GNA14: variants seen among roughly 807,000 people sequenced by gnomAD.
GNA14 encodes the protein guanine nucleotide-binding protein subunit alpha-14.
GNA14 carries 50 observed loss-of-function variants against 42.0 expected under a neutral mutation model. The observed-to-expected ratio is 1.19, with a 90% confidence interval of 0.95 to 1.51. GNA14 has a LOEUF of 1.51. GNA14 is among the 40% of genes most tolerant of loss of function. GNA14 has a pLI of 0.00. For synonymous variants in GNA14, 173 were observed against 163.1 expected (o/e 1.06, Z -0.46); for missense variants, 473 against 446.2 (o/e 1.06, Z -0.54).
chr9:77,594,377 C>T (rs553402191), intron 1 of GNA14, among the ~76,000 whole-genome samples: 2 of 152,218 alleles, frequency 1.3e-5, no homozygotes, highest in Non-Finnish European at 2.9e-5. Flanking sequence ...CACTCCACAT[C>T]GGCTCCGAGT....
intron 1 of GNA14, among the ~76,000 whole-genome samples, chr9:77,544,159 G>A (rs1837692725): frequency 6.6e-6 from 1 of 152,112 alleles, no homozygotes; most frequent in South Asian, 2.1e-4. Flanking sequence ...TTACACAATT[G>A]TGCTCATTTT....
intron 2 of GNA14, among the ~76,000 whole-genome samples, chr9:77,474,298 C>A (rs1836380174): frequency 6.6e-6 from 1 of 152,128 alleles, no homozygotes; most frequent in Non-Finnish European, 1.5e-5. Flanking sequence ...ACGCTTACAA[C>A]TCAGTAAGAA....
intron 1 of GNA14, among the ~76,000 whole-genome samples, chr9:77,532,330 C>A (rs17785979): frequency 0.051 from 7,691 of 152,246 alleles, 225 homozygotes; most frequent in Admixed American, 0.069. Context: ...CATCAGCTTA[C>A]GTGCAGTCTT....
intron 2 of GNA14, among the ~76,000 whole-genome samples, chr9:77,497,134 T>A (rs1836885557): frequency 6.6e-6 from 1 of 152,192 alleles, no homozygotes; most frequent in Admixed American, 6.5e-5. Context: ...TTTCCATACC[T>A]TAGAAGAATT....
At chr9:77,524,034 T>G (rs1267630615) in intron 2 of GNA14, among the ~76,000 whole-genome samples, 1 of 152,176 alleles carries the variant, frequency 6.6e-6, no homozygotes, top group Non-Finnish European at 1.5e-5. Flanking sequence ...AACTCAGACT[T>G]AGGAACCCTG....
intron 1 of GNA14, among the ~76,000 whole-genome samples, chr9:77,556,464 T>G (rs1339470337): frequency 6.6e-6 from 1 of 152,124 alleles, no homozygotes; most frequent in Non-Finnish European, 1.5e-5. Flanking sequence ...AGTTTCAACT[T>G]ACTGGATCAA....
In GNA14 at chr9:77,641,105, G is replaced by A. The variant is rs1824257929; in HGVS notation, c.124+6565C>T. The stretch of plus-strand genomic sequence containing the variant: ...GGGAGGGGAGGGGAGGGGGGGGAAG[G>A]AAGGAAGGAAGGAAGGAAGGAAGGA... On this transcript the variant is annotated intron_variant, in intron 1 of 6. Coordinates refer to ENST00000341700, the MANE Select transcript of GNA14 (RefSeq NM_004297.4). Among the ~76,000 whole-genome samples the A allele has an allele frequency of 7.2e-4, 3 of 4,144 alleles. 1 individual carries two copies. Among genetic ancestry groups the A allele is most frequent in the African/African-American group, 1.9e-3 (3 of 1,620 alleles). The allele number at this position is 4,144 out of a possible 152,430, so 2.7% of individuals were successfully genotyped here. A position where few individuals can be genotyped will look rare whatever the true frequency, so the allele number is the denominator to read the frequency against.
chr9:77,512,910 G>A (rs1837193204), intron 2 of GNA14, among the ~76,000 whole-genome samples: 1 of 152,064 alleles, frequency 6.6e-6, no homozygotes, highest in Admixed American at 6.6e-5. Flanking sequence ...ATAATCTCTG[G>A]CTTGTTTACT....
intron 1 of GNA14, among the ~76,000 whole-genome samples, chr9:77,530,904 G>A (rs1265664871): frequency 1.3e-5 from 2 of 152,196 alleles, no homozygotes; most frequent in African/African-American, 2.4e-5. Context: ...ATTAGTCAGG[G>A]GACAAGCCAA....
At chr9:77,480,907 T>G (rs1277583873) in intron 2 of GNA14, among the ~76,000 whole-genome samples, 2 of 152,194 alleles carry the variant, frequency 1.3e-5, no homozygotes, top group African/African-American at 2.4e-5. Context: ...CCTTTATCAT[T>G]TTTTTATTGC....
chr9:77,496,065 C>T (rs575820311), intron 2 of GNA14, among the ~76,000 whole-genome samples: 1 of 152,048 alleles, frequency 6.6e-6, no homozygotes, highest in Non-Finnish European at 1.5e-5. Flanking sequence ...GGAGATGCAC[C>T]GGGGGAGGTA....
intron 2 of GNA14, among the ~76,000 whole-genome samples, chr9:77,437,579 A>G (rs1835659077): frequency 6.6e-6 from 1 of 151,082 alleles, no homozygotes; most frequent in Admixed American, 6.6e-5. Flanking sequence ...AGAGAGAGAG[A>G]GGAAGGGAAG....
At chr9:77,438,653 T>G (rs1689163129) in intron 2 of GNA14, among the ~76,000 whole-genome samples, 1 of 152,200 alleles carries the variant, frequency 6.6e-6, no homozygotes, top group South Asian at 2.1e-4. Context: ...AGACTTCTTC[T>G]ATGCCTTTCA....
At chr9:77,492,594 C>G (rs1334282221) in intron 2 of GNA14, among the ~76,000 whole-genome samples, 2 of 152,146 alleles carry the variant, frequency 1.3e-5, no homozygotes, top group African/African-American at 2.4e-5. Flanking sequence ...ACACATCCAA[C>G]CTACCAAGAA....
intron 2 of GNA14, among the ~76,000 whole-genome samples, chr9:77,490,656 G>GGGCC (rs1382925067): frequency 4.6e-5 from 7 of 152,328 alleles, no homozygotes; most frequent in African/African-American, 1.7e-4. Flanking sequence ...CAGGCCAGCA[G>GGGCC]GGCCGGCCGG....
chr9:77,573,909 A>T (rs775222051), intron 1 of GNA14, among the ~76,000 whole-genome samples: 30 of 152,208 alleles, frequency 2.0e-4, no homozygotes, highest in Admixed American at 1.0e-3. Flanking sequence ...TTAGAAAAAG[A>T]GTAACCATTG....
intron 2 of GNA14, 92 bp downstream of exon 2, chr9:77,528,977 C>T: frequency 9.3e-7 from 1 of 1,074,544 alleles, no homozygotes; most frequent in Non-Finnish European, 1.4e-6. Context: ...CTTCTTCTGG[C>T]ATCTGACCAA....
At chr9:77,575,141 G>A (rs147433634) in intron 1 of GNA14, among the ~76,000 whole-genome samples, 4 of 152,188 alleles carry the variant, frequency 2.6e-5, no homozygotes, top group South Asian at 2.1e-4. Context: ...GACAAGGAGC[G>A]GAAGGTAGCT....
In GNA14 at chr9:77,520,160, A is replaced by G. The variant is rs58071194; in HGVS notation, c.309+8909T>C. ...TCTAGAATAGTTTGCCTAGGATACT[A>G]TTGCAGAGCTTATTAATCAGTTAAT... On this transcript the variant is annotated intron_variant, in intron 2 of 6. Transcript: ENST00000341700. Among the ~76,000 whole-genome samples the G allele has an allele frequency of 4.7e-3, 717 of 152,320 alleles. 7 individuals carry two copies. Among genetic ancestry groups the G allele is most frequent in the African/African-American group, 0.016 (683 of 41,588 alleles).
Sources: allele counts gnomAD v4.1 joint callset (sites outside exome capture counted in the v4.1 genomes callset), GRCh38; gene constraint gnomAD v4.1.1; transcripts MANE v1.5; gene names NCBI Gene and HGNC (gene_info 2026-07-23, HGNC 2026-07-21).